The following EXTL3 variants were observed in gnomAD, a reference collection of about 807,000 sequenced individuals.
The protein encoded by EXTL3 is exostosin like glycosyltransferase 3.
A neutral mutation model predicts 69.3 loss-of-function variants in EXTL3; 27 were observed. The ratio of observed to expected loss-of-function variants is 0.39; its 90% CI spans 0.29 to 0.54. The LOEUF is 0.54. EXTL3 is among the 20% of genes least tolerant of loss of function. The pLI is 0.69. For missense variants in EXTL3, 1,003 were observed against 1,231.8 expected, an observed-to-expected ratio of 0.81 and a Z score of 2.78; for synonymous variants, 511 against 499.4, an observed-to-expected ratio of 1.02 and a Z score of -0.31.
chr8:28,717,422 C>G lies in EXTL3; in HGVS notation c.1363C>G (p.Leu455Val), dbSNP rs1270494108. Residue 455 changes from leucine (L) to valine (V), a missense_variant, in exon 3 of 7, where the codon CTG (leucine) becomes GTG (valine). Physicochemically the swap from Leu to Val is conservative, Grantham distance 32 (BLOSUM62 1). Coordinates refer to ENST00000220562, the MANE Select transcript of EXTL3 (RefSeq NM_001440.4). The surrounding 1 kb of genome is among the most constrained non-coding windows in gnomAD (Gnocchi z 8.3). ...GTGTGCAACACGGCTCTTCGAAGCC[C>G]TGGAAGTCGGTGCCGTCCCGGTGGT... ...SGCATRLFEA[L>V]EVGAVPVVLG... 1.2e-6 allele frequency: 2 copies of G among 1,614,186 alleles called. No homozygotes were observed. The highest frequency in any genetic ancestry group is 2.2e-5 in the East Asian group (1 of 44,872).
At chr8:28,636,825 A>C (rs771484873) in intron 1 of EXTL3, among the ~76,000 whole-genome samples, 3 of 152,208 alleles carry the variant, frequency 2.0e-5, no homozygotes, top group African/African-American at 7.2e-5. Context: ...AGCCTGGCCA[A>C]CATGGTGAAA....
intron 3 of EXTL3, among the ~76,000 whole-genome samples, chr8:28,730,424 T>C (rs2130770693): frequency 6.6e-6 from 1 of 152,196 alleles, no homozygotes; most frequent in East Asian, 1.9e-4. Flanking sequence ...GGTCATCATT[T>C]ATATGAGTAT....
At chr8:28,611,628 C>A (rs535813398) in intron 2 of EXTL3, among the ~76,000 whole-genome samples, 5 of 152,228 alleles carry the variant, frequency 3.3e-5, no homozygotes, top group African/African-American at 9.6e-5. Context: ...GGGGTGATGA[C>A]CCAGCAGCTG....
rs112933134 is a variant in EXTL3 at position 28,743,079 on chromosome 8, C to T, written c.2422-7C>T. 60 of 1,614,050 alleles carry T rather than the reference C, an allele frequency of 3.7e-5. No individual in the cohort carries two copies. In the African/African-American group the frequency reaches 5.1e-4, roughly 14 times the overall value. ...AGAGCATGTGGTTCTTTTTCTTCCC[C>T]TGACAGTATTATGCCTACCTGTATT... On this transcript the variant is annotated splice_region_variant and splice_polypyrimidine_tract_variant and intron_variant, in intron 5 of 6. Transcript: ENST00000220562.
intron 1 of EXTL3, among the ~76,000 whole-genome samples, chr8:28,674,243 C>CTT (rs879441858): frequency 6.9e-6 from 1 of 145,950 alleles, no homozygotes; most frequent in African/African-American, 2.5e-5. Context: ...CTTTGCCCAG[C>CTT]TTTTTTTTTT....
At chr8:28,650,950 G>C (rs1806910082) in intron 1 of EXTL3, among the ~76,000 whole-genome samples, 1 of 152,048 alleles carries the variant, frequency 6.6e-6, no homozygotes. Flanking sequence ...ATCTAGTACA[G>C]GTTGAGTCTC....
chr8:28,632,463 T>C (rs1563430147), intron 1 of EXTL3, among the ~76,000 whole-genome samples: 3 of 151,932 alleles, frequency 2.0e-5, no homozygotes, highest in African/African-American at 7.3e-5. Context: ...ATATAAACAA[T>C]AATAATAGTA....
At chr8:28,651,171 C>T (rs528663841) in intron 1 of EXTL3, among the ~76,000 whole-genome samples, 3 of 152,250 alleles carry the variant, frequency 2.0e-5, no homozygotes, top group Admixed American at 6.5e-5. Flanking sequence ...TCAAAAGTTT[C>T]GGATTTTGGA....
At position 28,754,288 on chromosome 8, in the gene EXTL3, C is replaced by T. The variant is rs148447313; in HGVS notation, c.*3422C>T. ...TCAGAGGCTTCCTCAGGAGAGGGCA[C>T]TGAGCTGTGGGCTTCGGGGAGAAGG... On this transcript the variant is annotated 3_prime_UTR_variant, in exon 7 of 7. Coordinates refer to ENST00000220562, the MANE Select transcript of EXTL3 (RefSeq NM_001440.4). 8.0e-3 allele frequency: 1,218 copies of T among 152,502 alleles called. 7 individuals are homozygous for T. Among genetic ancestry groups the T allele is most frequent in the Non-Finnish European group, 0.013 (891 of 68,238 alleles). The allele number at this position is 152,502 out of a possible 1,614,324, so 9.4% of individuals were successfully genotyped here. A position where few individuals can be genotyped will look rare whatever the true frequency, so the allele number is the denominator to read the frequency against.
At chr8:28,731,471 A>T in intron 4 of EXTL3, 121 bp downstream of exon 4, 3 of 1,033,952 alleles carry the variant, frequency 2.9e-6, no homozygotes, top group Non-Finnish European at 4.4e-6. Flanking sequence ...GTCAGGGCTG[A>T]TGTAGGACGT....
intron 2 of EXTL3, among the ~76,000 whole-genome samples, chr8:28,614,825 T>C (rs369896099): frequency 6.6e-6 from 1 of 152,218 alleles, no homozygotes; most frequent in Non-Finnish European, 1.5e-5. Context: ...TTCCAACTTT[T>C]AAGTGTGGGG....
At chr8:28,711,542 A>C (rs1051960500) in intron 1 of EXTL3, among the ~76,000 whole-genome samples, 7 of 152,142 alleles carry the variant, frequency 4.6e-5, no homozygotes, top group African/African-American at 1.7e-4. Context: ...TCACTTTACA[A>C]AGGAGGAAAT....
At chr8:28,641,335 A>C (rs1048753725) in intron 1 of EXTL3, among the ~76,000 whole-genome samples, 1 of 152,214 alleles carries the variant, frequency 6.6e-6, no homozygotes, top group Non-Finnish European at 1.5e-5. Context: ...TCACAGGGGC[A>C]ATGGAGCAGT....
At chr8:28,734,009 G>A (rs1801595974) in intron 4 of EXTL3, among the ~76,000 whole-genome samples, 1 of 151,392 alleles carries the variant, frequency 6.6e-6, no homozygotes, top group Admixed American at 6.6e-5. Context: ...GTAGAGACAG[G>A]GTTTCACCAT....
chr8:28,654,770 A>T (rs576888770), intron 1 of EXTL3, among the ~76,000 whole-genome samples: 2 of 152,022 alleles, frequency 1.3e-5, no homozygotes, highest in Non-Finnish European at 2.9e-5. Flanking sequence ...TCTTTTTCAT[A>T]CCCCAATTTT....
intron 1 of EXTL3, among the ~76,000 whole-genome samples, chr8:28,687,075 G>A (rs746351345): frequency 6.6e-6 from 1 of 152,212 alleles, no homozygotes; most frequent in Admixed American, 6.5e-5. Flanking sequence ...GACATGCTGG[G>A]TGAGGGAGAT....
upstream of EXTL3, chr8:28,701,241 G>C (rs1043932647): frequency 6.6e-6 from 1 of 152,158 alleles, no homozygotes; most frequent in Non-Finnish European, 1.5e-5. Context: ...ATCTGCGGTC[G>C]GGTCTTCTCG....
chr8:28,723,799 G>A lies in EXTL3; in HGVS notation c.2148+5592G>A, dbSNP rs142674091. ...TGGGACTACAGGCGCATACCACCAC[G>A]CCTGGCTAATTTTTGTATTTTTAGT... On this transcript the variant is annotated intron_variant, in intron 3 of 6. Transcript: ENST00000220562. Among the ~76,000 whole-genome samples, 1,070 of 151,910 alleles carry A rather than the reference G, an allele frequency of 7.0e-3. 10 individuals carry two copies. Among genetic ancestry groups the A allele is most frequent in the African/African-American group, 0.024 (988 of 41,442 alleles).
intron 3 of EXTL3, among the ~76,000 whole-genome samples, chr8:28,721,324 T>A (rs899229666): frequency 1.3e-5 from 2 of 152,234 alleles, no homozygotes; most frequent in African/African-American, 4.8e-5. Flanking sequence ...GAGCAGTTTC[T>A]ACGCAGAACT....
Sources: gnomAD v4.1 joint callset for allele counts (sites outside exome capture counted in the v4.1 genomes callset) on GRCh38, gnomAD v4.1.1 for gene constraint, Gnocchi (gnomAD v3.1) non-coding constraint, MANE v1.5 for transcripts, NCBI Gene and HGNC (gene_info 2026-07-23, HGNC 2026-07-21) for gene names.